The following PSMD11 variants were observed in gnomAD, a reference collection of about 807,000 sequenced individuals.
The protein encoded by PSMD11 is proteasome 26S subunit, non-ATPase 11.
A neutral mutation model predicts 62.3 loss-of-function variants in PSMD11; 5 were observed. That is an observed-to-expected ratio of 0.08 (90% CI 0.04 to 0.17). The LOEUF is 0.17. Ranked by LOEUF, PSMD11 falls within the 10% of genes least tolerant of loss-of-function variation. PSMD11 has a pLI of 1.00. For synonymous variants in PSMD11, 191 were observed against 191.8 expected, an observed-to-expected ratio of 1.00 and a Z score of 0.03; for missense variants, 310 against 512.9, an observed-to-expected ratio of 0.60 and a Z score of 3.82.
At chr17:32,459,437 T>C (rs1191657301) in intron 3 of PSMD11, among the ~76,000 whole-genome samples, 1 of 151,976 alleles carries the variant, frequency 6.6e-6, no homozygotes, top group African/African-American at 2.4e-5. Context: ...GGGATTTTGC[T>C]ATGTTGCTCA....
At chr17:32,447,693 C>T (rs1367003082) in intron 2 of PSMD11, among the ~76,000 whole-genome samples, 1 of 152,064 alleles carries the variant, frequency 6.6e-6, no homozygotes, top group African/African-American at 2.4e-5. Flanking sequence ...AGAGAGAAGT[C>T]TGTTTAAACT....
intron 5 of PSMD11, among the ~76,000 whole-genome samples, chr17:32,466,298 C>T (rs1160615226): frequency 6.6e-6 from 1 of 152,154 alleles, no homozygotes; most frequent in Non-Finnish European, 1.5e-5. Context: ...TGCCTGGCCT[C>T]AGAACATTTT....
chr17:32,444,920 C>A, intron 1 of PSMD11: 2 of 462,948 alleles, frequency 4.3e-6, no homozygotes, highest in South Asian at 5.1e-5. Flanking sequence ...GTCCCCGGCT[C>A]TGGCCCGCAC....
At chr17:32,476,199 G>A (rs1244388278) in intron 8 of PSMD11, among the ~76,000 whole-genome samples, 1 of 152,084 alleles carries the variant, frequency 6.6e-6, no homozygotes, top group Non-Finnish European at 1.5e-5. Context: ...AACGGGGAGT[G>A]GAAGTTGCAG....
In PSMD11 at chr17:32,446,828, G is replaced by C. The variant is rs1907346137; in HGVS notation, c.92-117G>C. ...AGTTTTTTTTTTTTTTTTAACTCTA[G>C]AATTTGTCTTTTGGTAAATATGTTT... On this transcript the variant is annotated intron_variant, in intron 1 of 13. Coordinates refer to ENST00000261712, the MANE Select transcript of PSMD11 (RefSeq NM_002815.4). 4.8e-5 allele frequency: 17 copies of C among 357,438 alleles called. No homozygotes were observed. The East Asian group carries it at 8.3e-4, about 17-fold the overall frequency. The allele number at this position is 357,438 out of a possible 1,614,324, so 22.1% of individuals were successfully genotyped here.
At chr17:32,457,852 G>A (rs953532735) in intron 3 of PSMD11, among the ~76,000 whole-genome samples, 1 of 150,454 alleles carries the variant, frequency 6.6e-6, no homozygotes, top group African/African-American at 2.5e-5. Flanking sequence ...CCAGGCTGGA[G>A]TGCAGTGTTG....
intron 2 of PSMD11, among the ~76,000 whole-genome samples, chr17:32,450,150 G>A (rs1010886500): frequency 3.3e-5 from 5 of 151,984 alleles, no homozygotes; most frequent in East Asian, 1.9e-4. Flanking sequence ...TAGTAGAGGC[G>A]GAGTTTCATC....
At chr17:32,448,040 C>G (rs1907382409) in intron 2 of PSMD11, among the ~76,000 whole-genome samples, 1 of 151,924 alleles carries the variant, frequency 6.6e-6, no homozygotes, top group African/African-American at 2.4e-5. Context: ...GCCACCAAGC[C>G]TGGCTAATTT....
chr17:32,479,295 C>G lies in PSMD11; in HGVS notation c.957C>G (p.Ile319Met). The change falls in exon 10 of 14, where the codon ATC becomes ATG. Residue 319 changes from isoleucine to methionine, a missense_variant. Transcript: ENST00000261712. ...CAGAGCTCCGGGATGACCCAATCAT[C>G]AGCACACACTTGGCCAAGTTGTATG... Reference protein sequence around the residue: ...YRAELRDDPIISTHLAKLYDN... With the variant: ...YRAELRDDPIMSTHLAKLYDN... 2 of 1,614,210 alleles carry G rather than the reference C, an allele frequency of 1.2e-6. No homozygotes were observed. The highest frequency in any genetic ancestry group is 1.7e-6 in the Non-Finnish European group (2 of 1,180,028).
At chr17:32,454,726 G>T in intron 3 of PSMD11, 107 bp downstream of exon 3, 1 of 1,146,090 alleles carries the variant, frequency 8.7e-7, no homozygotes. Flanking sequence ...AAAACTGGGA[G>T]GACAGCGCAG....
chr17:32,464,257 C>T, intron 4 of PSMD11, 137 bp downstream of exon 4: 1 of 896,216 alleles, frequency 1.1e-6, no homozygotes, highest in South Asian at 1.5e-5. Flanking sequence ...GATGGTAGCC[C>T]CACTTATGAT....
intron 6 of PSMD11, among the ~76,000 whole-genome samples, chr17:32,471,893 C>T (rs972308430): frequency 6.6e-6 from 1 of 150,822 alleles, no homozygotes. Context: ...TTTTTTTAGA[C>T]GGTCTCACTT....
At chr17:32,455,083 T>C (rs1907612686) in intron 3 of PSMD11, among the ~76,000 whole-genome samples, 1 of 152,202 alleles carries the variant, frequency 6.6e-6, no homozygotes, top group Non-Finnish European at 1.5e-5. Flanking sequence ...CCTGTATGTG[T>C]CCCACAAGTT....
chr17:32,480,797 A>G lies in PSMD11; in HGVS notation c.*45A>G. The G allele has an allele frequency of 1.4e-6, 1 of 711,126 alleles. No homozygotes were observed. The highest frequency in any genetic ancestry group is 4.0e-4 in the Middle Eastern group (1 of 2,528). The allele number at this position is 711,126 out of a possible 1,614,324, so 44.1% of individuals were successfully genotyped here. ...CTTTGGAGAGTGTGTGTGGCGGGAGAGTGAAACCTTGGGGGAAAATGCTAG... is the reference window on the plus strand; with the variant it reads ...CTTTGGAGAGTGTGTGTGGCGGGAGGGTGAAACCTTGGGGGAAAATGCTAG... On this transcript the variant is annotated 3_prime_UTR_variant, in exon 14 of 14. Coordinates refer to ENST00000261712, the MANE Select transcript of PSMD11 (RefSeq NM_002815.4).
chr17:32,479,975 G>T, intron 11 of PSMD11, 89 bp downstream of exon 11: 1 of 1,518,744 alleles, frequency 6.6e-7, no homozygotes, highest in African/African-American at 1.4e-5. Context: ...TCATTGGAAA[G>T]CTCCCCAGCT....
At chr17:32,454,365 A>G (rs939041046) in intron 2 of PSMD11, 130 bp from the exon 3 acceptor site, 1 of 881,474 alleles carries the variant, frequency 1.1e-6, no homozygotes, top group African/African-American at 1.7e-5. Flanking sequence ...TTAAACTCCT[A>G]GTAAGTTTCA....
intron 3 of PSMD11, among the ~76,000 whole-genome samples, chr17:32,457,320 C>G (rs1227488884): frequency 1.3e-5 from 2 of 152,136 alleles, no homozygotes; most frequent in African/African-American, 4.8e-5. Context: ...TCACTGCAGC[C>G]TCAACCTCCT....
At chr17:32,448,561 C>T (rs1597829380) in intron 2 of PSMD11, among the ~76,000 whole-genome samples, 1 of 151,446 alleles carries the variant, frequency 6.6e-6, no homozygotes, top group African/African-American at 2.4e-5. Flanking sequence ...TTAGTAGAGG[C>T]GAGGTTTCAC....
chr17:32,479,294 T>C lies in PSMD11; in HGVS notation c.956T>C (p.Ile319Thr), dbSNP rs1324934811. Residue 319 changes from isoleucine (I) to threonine (T), a missense_variant, in exon 10 of 14, where the codon ATC (isoleucine) becomes ACC (threonine). By Grantham distance (89) the Ile-to-Thr change is moderately conservative. Around this residue, in one of 6 missense-constraint regions of PSMD11, gnomAD observed 135 missense variants for 195.4 expected, o/e 0.69. Coordinates refer to ENST00000261712, the MANE Select transcript of PSMD11 (RefSeq NM_002815.4). ...GCAGAGCTCCGGGATGACCCAATCA[T>C]CAGCACACACTTGGCCAAGTTGTAT... ...YRAELRDDPIISTHLAKLYDN... is the reference protein window; with the variant it reads ...YRAELRDDPITSTHLAKLYDN... 1 of 1,614,204 alleles carries C rather than the reference T, an allele frequency of 6.2e-7. No homozygotes were observed. The highest frequency in any genetic ancestry group is 1.7e-5 in the Admixed American group (1 of 60,028).
Sources: allele counts gnomAD v4.1 joint callset (sites outside exome capture counted in the v4.1 genomes callset), GRCh38; gene constraint gnomAD v4.1.1; regional missense constraint gnomAD v4.1.1; transcripts MANE v1.5; gene names NCBI Gene and HGNC (gene_info 2026-07-23, HGNC 2026-07-21).